Variants in ANK2 observed in about 807,000 individuals in gnomAD.
ANK2 encodes ankyrin 2, also known as ankyrin-2.
In ANK2, 83 loss-of-function variants were observed where a neutral mutation model predicts 360.5. The ratio of observed to expected loss-of-function variants is 0.23; its 90% CI spans 0.19 to 0.28. ANK2 has a LOEUF of 0.28. Ranked by LOEUF, ANK2 falls within the 10% of genes least tolerant of loss-of-function variation. The pLI is 1.00. For missense variants in ANK2, 4,201 were observed against 4,795.7 expected (o/e 0.88, Z 3.66); for synonymous variants, 1,740 against 1,759.5 (o/e 0.99, Z 0.28).
At chr4:113,132,218 A>G (rs1453794844) in intron 1 of ANK2, among the ~76,000 whole-genome samples, 1 of 152,198 alleles carries the variant, frequency 6.6e-6, no homozygotes, top group Non-Finnish European at 1.5e-5. Flanking sequence ...TATGATGTAT[A>G]TGCACATATG....
At chr4:113,334,021 G>C (rs2093047896) in intron 29 of ANK2, among the ~76,000 whole-genome samples, 1 of 152,162 alleles carries the variant, frequency 6.6e-6, no homozygotes, top group South Asian at 2.1e-4. Context: ...CAAGTTCTTT[G>C]CCTGCATGCC....
At chr4:113,234,495 C>G (rs1390525906) in intron 5 of ANK2, among the ~76,000 whole-genome samples, 2 of 152,096 alleles carry the variant, frequency 1.3e-5, no homozygotes, top group African/African-American at 2.4e-5. Context: ...TCAAAAAACA[C>G]ACATGGACAA....
intron 2 of ANK2, among the ~76,000 whole-genome samples, chr4:112,942,566 G>A (rs1234231108): frequency 6.6e-6 from 1 of 151,958 alleles, no homozygotes; most frequent in Admixed American, 6.6e-5. Flanking sequence ...TGAGAAAAAT[G>A]AGGATAAATG....
chr4:113,194,106 T>A (rs927753737), intron 2 of ANK2, among the ~76,000 whole-genome samples: 1 of 152,182 alleles, frequency 6.6e-6, no homozygotes, highest in African/African-American at 2.4e-5. Context: ...TGTCCTTTAC[T>A]TCTCCCTTAG....
the ANK2 span, among the ~76,000 whole-genome samples, chr4:112,711,579 G>A: frequency 1.3e-5 from 2 of 152,080 alleles, no homozygotes; most frequent in African/African-American, 4.8e-5. Context: ...CACTTTGGGA[G>A]GCCAAGGTGT....
At chr4:112,999,549 T>C (rs1319636921) in intron 2 of ANK2, among the ~76,000 whole-genome samples, 1 of 152,166 alleles carries the variant, frequency 6.6e-6, no homozygotes, top group Non-Finnish European at 1.5e-5. Context: ...TATTTTGTGC[T>C]TTTATAAGCT....
chr4:112,749,908 G>A, the ANK2 span, among the ~76,000 whole-genome samples: 3 of 152,034 alleles, frequency 2.0e-5, no homozygotes, highest in Non-Finnish European at 4.4e-5. Context: ...ACCACGCCCA[G>A]CTAATTTTTG....
At chr4:113,256,012 C>G (rs1415065133) in intron 11 of ANK2, 80 bp downstream of exon 11, 6 of 1,482,690 alleles carry the variant, frequency 4.0e-6, no homozygotes, top group Non-Finnish European at 5.6e-6. Flanking sequence ...ATGCATACAC[C>G]AGCAATGCAA....
chr4:113,358,051 G>A lies in ANK2; in HGVS notation c.9433G>A (p.Glu3145Lys), dbSNP rs1285918243. The A allele has an allele frequency of 1.2e-6, 2 of 1,613,936 alleles. No homozygotes were observed. The highest frequency in any genetic ancestry group is 1.7e-6 in the Non-Finnish European group (2 of 1,179,968). Residue 3145 changes from glutamate to lysine, a missense_variant, in exon 38 of 46, where the codon GAA becomes AAA. Physicochemically the swap from Glu to Lys is moderately conservative, Grantham distance 56. Around this residue, in one of 4 missense-constraint regions of ANK2, gnomAD observed 2,642 missense variants for 2,714.5 expected, o/e 0.97. Transcript: ENST00000357077. ...GQESREETLS[E>K]DVKEGATGAD... ...AGAATCCAGGGAAGAGACTCTCTCT[G>A]AAGATGTGAAAGAAGGGGCTACTGG... is the stretch of plus-strand genomic sequence containing the variant.
the ANK2 span, among the ~76,000 whole-genome samples, chr4:112,810,930 C>CTTTTT: frequency 3.6e-5 from 5 of 137,066 alleles, no homozygotes; most frequent in Non-Finnish European, 6.2e-5. Flanking sequence ...TTCTTTCTTT[C>CTTTTT]TTTTTTTTTT....
chr4:113,210,523 G>A (rs1051131312), intron 4 of ANK2, among the ~76,000 whole-genome samples: 4 of 152,160 alleles, frequency 2.6e-5, no homozygotes, highest in African/African-American at 9.7e-5. Flanking sequence ...TTTAGCACTG[G>A]TTAGAAGCAA....
the ANK2 span, among the ~76,000 whole-genome samples, chr4:112,748,178 A>C: frequency 6.6e-6 from 1 of 152,320 alleles, no homozygotes; most frequent in Admixed American, 6.5e-5. Context: ...TTAGGCAAAA[A>C]ACAAAGTTTT....
intron 1 of ANK2, among the ~76,000 whole-genome samples, chr4:113,102,141 T>TA (rs1429694571): frequency 1.3e-5 from 2 of 151,922 alleles, no homozygotes; most frequent in African/African-American, 4.8e-5. Flanking sequence ...AGAAGTAGGG[T>TA]AGCTGATAGG....
intron 2 of ANK2, among the ~76,000 whole-genome samples, chr4:112,908,691 G>C (rs1239914617): frequency 2.0e-5 from 3 of 152,218 alleles, no homozygotes; most frequent in African/African-American, 7.2e-5. Context: ...ACCAAAAGCT[G>C]TTAATATTGA....
At chr4:113,288,816 C>G (rs1235268037) in intron 20 of ANK2, among the ~76,000 whole-genome samples, 1 of 152,086 alleles carries the variant, frequency 6.6e-6, no homozygotes, top group African/African-American at 2.4e-5. Flanking sequence ...GGCTTGGCCC[C>G]CCTCCCCTGA....
chr4:113,203,030 G>A (rs1412059002), intron 4 of ANK2, among the ~76,000 whole-genome samples: 2 of 152,116 alleles, frequency 1.3e-5, no homozygotes, highest in East Asian at 1.9e-4. Context: ...GTGACATGGA[G>A]GTCTCATCCA....
intron 4 of ANK2, among the ~76,000 whole-genome samples, chr4:113,208,136 C>G (rs1310064901): frequency 2.0e-5 from 3 of 150,486 alleles, no homozygotes. Context: ...ATGAAGCTGG[C>G]TTGGGGGTGG....
intron 2 of ANK2, among the ~76,000 whole-genome samples, chr4:112,984,931 G>A (rs766328198): frequency 6.6e-6 from 1 of 152,096 alleles, no homozygotes; most frequent in Non-Finnish European, 1.5e-5. Context: ...TATGGCTTGA[G>A]TTCCCCTCCA....
At chr4:113,245,466 G>C (rs1360542753) in intron 9 of ANK2, among the ~76,000 whole-genome samples, 1 of 152,132 alleles carries the variant, frequency 6.6e-6, no homozygotes, top group African/African-American at 2.4e-5. Context: ...GGAGGCATCA[G>C]GAAACTTACA....
Sources: gnomAD v4.1 joint callset for allele counts (sites outside exome capture counted in the v4.1 genomes callset) on GRCh38, gnomAD v4.1.1 for gene constraint, gnomAD v4.1.1 regional missense constraint, MANE v1.5 for transcripts, NCBI Gene and HGNC (gene_info 2026-07-23, HGNC 2026-07-21) for gene names.